Variants in ATXN7 observed in about 807,000 individuals in gnomAD.
ATXN7 encodes ataxin-7.
A neutral mutation model predicts 70.5 loss-of-function variants in ATXN7; 12 were observed. That is an observed-to-expected ratio of 0.17 (90% CI 0.11 to 0.28). The LOEUF is 0.28. ATXN7 is among the 10% of genes least tolerant of loss of function. The pLI, the probability that ATXN7 is intolerant of heterozygous loss-of-function variation, is 1.00. For synonymous variants in ATXN7, 498 were observed against 448.7 expected (o/e 1.11, Z -1.39); for missense variants, 1,256 against 1,131.7 (o/e 1.11, Z -1.58).
Position 63,999,441 on chromosome 3 carries a change from T to G in ATXN7, c.2662-9T>G, listed in dbSNP as rs756389955. On this transcript the variant is annotated splice_polypyrimidine_tract_variant and intron_variant, in intron 12 of 12. Transcript: ENST00000674280. The stretch of plus-strand genomic sequence containing the variant: ...TTTCATTATTTCCCCACCCCCTCTT[T>G]TTTGAAAGCCAAAGGCACGTCCCTG... 4.3e-6 allele frequency: 7 copies of G among 1,612,742 alleles called. No individual in the cohort carries two copies. Among genetic ancestry groups the G allele is most frequent in the Non-Finnish European group, 5.1e-6 (6 of 1,178,810 alleles).
chr3:63,941,934 C>T (rs902829479), intron 4 of ATXN7, among the ~76,000 whole-genome samples: 7 of 152,134 alleles, frequency 4.6e-5, no homozygotes, highest in Admixed American at 3.3e-4. Flanking sequence ...TTGAGAGTCA[C>T]CTGTTGAAAT....
intron 1 of ATXN7, among the ~76,000 whole-genome samples, chr3:63,866,325 A>G (rs532627356): frequency 1.3e-5 from 2 of 152,300 alleles, no homozygotes; most frequent in East Asian, 3.9e-4. Flanking sequence ...ATCAGGGCTC[A>G]CTGCAGCCTG....
At chr3:63,994,498 G>A (rs1452206446) in intron 11 of ATXN7, among the ~76,000 whole-genome samples, 1 of 152,208 alleles carries the variant, frequency 6.6e-6, no homozygotes, top group Non-Finnish European at 1.5e-5. Flanking sequence ...GCCTCCCAAA[G>A]TGCTGGGATT....
Position 64,000,767 on chromosome 3 carries a change from T to G in ATXN7, c.*1300T>G, listed in dbSNP as rs988945354. On this transcript the variant is annotated 3_prime_UTR_variant, in exon 13 of 13. Coordinates refer to ENST00000674280, the MANE Select transcript of ATXN7 (RefSeq NM_001377405.1). ...ATTATACCAGCCATCTTCCTGAGAG[T>G]TTTGGAGCCCTCTAGGATATTTTTT... 13 of 151,386 alleles carry G rather than the reference T, an allele frequency of 8.6e-5. No homozygotes were observed. Among genetic ancestry groups the G allele is most frequent in the Admixed American group, 8.6e-4 (13 of 15,194 alleles). The allele number at this position is 151,386 out of a possible 1,614,324, so 9.4% of individuals were successfully genotyped here.
intron 1 of ATXN7, among the ~76,000 whole-genome samples, chr3:63,890,805 G>T (rs2107244618): frequency 6.6e-6 from 1 of 152,104 alleles, no homozygotes; most frequent in South Asian, 2.1e-4. Context: ...GAGTGTGTTG[G>T]CAAGGAGGCT....
chr3:63,875,762 G>A (rs1303207763), intron 1 of ATXN7, among the ~76,000 whole-genome samples: 3 of 152,194 alleles, frequency 2.0e-5, no homozygotes, highest in Non-Finnish European at 4.4e-5. Context: ...TTTGAGAGGA[G>A]CACTTGACAC....
intron 4 of ATXN7, among the ~76,000 whole-genome samples, chr3:63,927,318 C>T (rs901299108): frequency 6.6e-6 from 1 of 152,138 alleles, no homozygotes; most frequent in African/African-American, 2.4e-5. Context: ...CAAGCCATCA[C>T]TCTTGCTGAA....
intron 1 of ATXN7, among the ~76,000 whole-genome samples, chr3:63,884,237 ACACATACTCT>A (rs1559619601): frequency 3.3e-5 from 4 of 119,938 alleles, no homozygotes; most frequent in African/African-American, 1.1e-4. Flanking sequence ...ACACACACAC[ACACATACTCT>A]CACACACACA....
chr3:63,967,732 A>T, intron 5 of ATXN7: 1 of 1,381,272 alleles, frequency 7.2e-7, no homozygotes, highest in Non-Finnish European at 9.4e-7. Flanking sequence ...ATGAAATTAG[A>T]CTCCACCCCC....
Position 63,988,311 on chromosome 3 carries a change from C to G in ATXN7, c.1348C>G (p.Pro450Ala). Residue 450 changes from proline (P) to alanine (A), a missense_variant, in exon 9 of 13, where the codon CCC becomes GCC. Transcript: ENST00000674280. Reference protein sequence around the residue: ...FVASKPKPHTPSLPRPPGCPA... With the variant: ...FVASKPKPHTASLPRPPGCPA... ...AGCTAGTAAACCTAAACCTCACACCCCCAGTCTTCCAAGGTAAGCCAGGCC... is the reference window on the plus strand; with the variant it reads ...AGCTAGTAAACCTAAACCTCACACCGCCAGTCTTCCAAGGTAAGCCAGGCC... 6.2e-7 allele frequency: 1 copy of G among 1,614,062 alleles called. No individual in the cohort carries two copies.
intron 5 of ATXN7, among the ~76,000 whole-genome samples, chr3:63,967,580 GA>G (rs1367970549): frequency 6.6e-6 from 1 of 151,888 alleles, no homozygotes; most frequent in African/African-American, 2.4e-5. Context: ...AAGGTATTCA[GA>G]AAAAAAATTC....
chr3:63,895,849 TA>T (rs1703429050), intron 1 of ATXN7, among the ~76,000 whole-genome samples: 1 of 152,058 alleles, frequency 6.6e-6, no homozygotes, highest in Non-Finnish European at 1.5e-5. Flanking sequence ...AAACGGGAGA[TA>T]AGTGGCCTCT....
intron 5 of ATXN7, chr3:63,967,600 T>TA (rs2075247689): frequency 3.5e-6 from 1 of 286,456 alleles, no homozygotes; most frequent in Admixed American, 5.4e-5. Context: ...TCACAAAATA[T>TA]AAGTAATTTG....
rs144225236 is a variant in ATXN7, at chr3:63,942,983, G to A, written c.395-9396G>A. On this transcript the variant is annotated intron_variant, in intron 4 of 12. Coordinates refer to ENST00000674280, the MANE Select transcript of ATXN7 (RefSeq NM_001377405.1). ...TTTTTGTTGAAAACCTGTGTGTCAG[G>A]TACTGTGCTATGTACTTGTGGCCCC... is the stretch of plus-strand genomic sequence containing the variant. Among the ~76,000 whole-genome samples the A allele has an allele frequency of 5.7e-3, 875 of 152,250 alleles. 6 individuals carry two copies. The highest frequency in any genetic ancestry group is 8.1e-3 in the Non-Finnish European group (552 of 68,018).
intron 2 of ATXN7, chr3:63,901,060 T>A (rs1703623289): frequency 6.6e-6 from 1 of 152,246 alleles, no homozygotes; most frequent in Non-Finnish European, 1.5e-5. Context: ...TTATGGTCAC[T>A]GGGGATAAAT....
upstream of ATXN7, chr3:63,863,436 T>G: frequency 9.0e-7 from 1 of 1,113,394 alleles, no homozygotes; most frequent in Non-Finnish European, 1.1e-6. Context: ...CACCCGCCCT[T>G]GCACCGCTTC....
At position 63,951,555 on chromosome 3, in the gene ATXN7, T is replaced by G. The variant is rs144841539; in HGVS notation, c.395-824T>G. Among the ~76,000 whole-genome samples the G allele has an allele frequency of 7.6e-3, 1,151 of 152,362 alleles. 14 individuals carry two copies. Among genetic ancestry groups the G allele is most frequent in the Non-Finnish European group, 0.01 (699 of 68,026 alleles). On this transcript the variant is annotated intron_variant, in intron 4 of 12. Transcript: ENST00000674280. Reference sequence around the variant, plus strand: ...TTAAAATCCACTGATTTTGAAATACTTAAAAAGTTAGATTCTGGATCTGAA... The same window carrying G: ...TTAAAATCCACTGATTTTGAAATACGTAAAAAGTTAGATTCTGGATCTGAA...
At chr3:63,946,365 C>T (rs1016638777) in intron 4 of ATXN7, among the ~76,000 whole-genome samples, 51 of 152,030 alleles carry the variant, frequency 3.4e-4, no homozygotes, top group African/African-American at 1.1e-3. Flanking sequence ...GTGGGCCAGG[C>T]GCGGTGGCTC....
At chr3:63,928,580 A>G (rs1704811891) in intron 4 of ATXN7, among the ~76,000 whole-genome samples, 1 of 152,156 alleles carries the variant, frequency 6.6e-6, no homozygotes, top group Non-Finnish European at 1.5e-5. Flanking sequence ...GACTGCCTCA[A>G]TCCTTACAGC....
Sources: allele counts gnomAD v4.1 joint callset (sites outside exome capture counted in the v4.1 genomes callset), GRCh38; gene constraint gnomAD v4.1.1; transcripts MANE v1.5; gene names NCBI Gene and HGNC (gene_info 2026-07-23, HGNC 2026-07-21).